The following SPAG16 variants were observed in gnomAD, a reference collection of about 807,000 sequenced individuals.
SPAG16 encodes the protein sperm associated antigen 16.
A neutral mutation model predicts 80.4 loss-of-function variants in SPAG16; 86 were observed. The observed-to-expected ratio is 1.07, with a 90% confidence interval of 0.90 to 1.28. The LOEUF is 1.28. SPAG16 is among the 50% of genes most tolerant of loss of function. The probability of loss-of-function intolerance (pLI) is 0.00; values close to 1 mark genes in which losing one functional copy is unlikely to be tolerated. For missense variants in SPAG16, 870 were observed against 765.3 expected (o/e 1.14, Z -1.61); for synonymous variants, 294 against 265.9 (o/e 1.11, Z -1.03).
rs142580539 is a variant in SPAG16, at chr2:213,879,561, T to C, written c.1214+16933T>C. Among the ~76,000 whole-genome samples the C allele has an allele frequency of 4.8e-3, 724 of 152,208 alleles. 7 individuals are homozygous for C. Among genetic ancestry groups the C allele is most frequent in the African/African-American group, 0.017 (696 of 41,544 alleles). On this transcript the variant is annotated intron_variant, in intron 11 of 15. Coordinates refer to ENST00000331683, the MANE Select transcript of SPAG16 (RefSeq NM_024532.5). ...CATAGGGAGTACATGTGCAAGGTTA[T>C]TGCATGGGTTCATTGTAACTAGGTT...
intron 5 of SPAG16, among the ~76,000 whole-genome samples, chr2:213,327,702 A>G (rs534329966): frequency 6.6e-6 from 1 of 152,244 alleles, no homozygotes; most frequent in South Asian, 2.1e-4. Flanking sequence ...TTTTAAATTC[A>G]TTTTTTAAAA....
At chr2:213,799,855 A>G (rs924208564) in intron 10 of SPAG16, among the ~76,000 whole-genome samples, 3 of 152,072 alleles carry the variant, frequency 2.0e-5, no homozygotes, top group Non-Finnish European at 4.4e-5. Flanking sequence ...GGAAACATAT[A>G]ACTACTATAA....
At chr2:213,557,878 T>C (rs1470325014) in intron 10 of SPAG16, among the ~76,000 whole-genome samples, 2 of 152,250 alleles carry the variant, frequency 1.3e-5, no homozygotes, top group Non-Finnish European at 2.9e-5. Context: ...TATGTGATTA[T>C]ATATTTGCAG....
intron 14 of SPAG16, among the ~76,000 whole-genome samples, chr2:214,148,310 G>A (rs988156923): frequency 1.6e-4 from 25 of 152,226 alleles, no homozygotes; most frequent in South Asian, 6.2e-4. Context: ...AGCAGGAGGC[G>A]TGTAGACAGA....
In SPAG16 at chr2:213,284,494, A is replaced by T; in HGVS notation, c.11A>T (p.Gln4Leu). 1 of 1,570,962 alleles carries T rather than the reference A, an allele frequency of 6.4e-7. No homozygotes were observed. The highest frequency in any genetic ancestry group is 8.6e-7 in the Non-Finnish European group (1 of 1,158,442). ...CCCGAAGCGCCAGAGATGGCTGCTC[A>T]GCGAGGGATGCCCAGCTCCGCCGTG... MAA[Q>L]RGMPSSAVRV... The change falls in exon 1 of 16, where the codon CAG becomes CTG. Residue 4 changes from glutamine (Q) to leucine (L), a missense_variant. Gln to Leu is a moderately radical substitution (Grantham distance 113, BLOSUM62 -2). Transcript: ENST00000331683.
At chr2:213,829,318 T>C (rs995272184) in intron 10 of SPAG16, among the ~76,000 whole-genome samples, 2 of 152,038 alleles carry the variant, frequency 1.3e-5, no homozygotes, top group Non-Finnish European at 2.9e-5. Context: ...GCATTGCCAA[T>C]GTGCACATAA....
intron 15 of SPAG16, among the ~76,000 whole-genome samples, chr2:214,155,204 GAAA>G (rs2056160214): frequency 6.6e-6 from 1 of 152,116 alleles, no homozygotes; most frequent in Non-Finnish European, 1.5e-5. Context: ...GTGAATACAT[GAAA>G]GCCTGAGGCC....
chr2:213,442,716 TAAAAAAA>T (rs2071046650), intron 9 of SPAG16, among the ~76,000 whole-genome samples: 1 of 152,068 alleles, frequency 6.6e-6, no homozygotes, highest in African/African-American at 2.4e-5. Context: ...TGGACACTCG[TAAAAAAA>T]TAAATCTAGA....
At chr2:214,404,510 C>T (rs943603265) in intron 15 of SPAG16, among the ~76,000 whole-genome samples, 3 of 151,814 alleles carry the variant, frequency 2.0e-5, no homozygotes, top group Non-Finnish European at 4.4e-5. Context: ...GAAGAAATGC[C>T]TCAGGAATTA....
chr2:213,577,641 G>C (rs927048335), intron 10 of SPAG16, among the ~76,000 whole-genome samples: 1 of 152,068 alleles, frequency 6.6e-6, no homozygotes, highest in African/African-American at 2.4e-5. Context: ...TTATGTTTTT[G>C]CTCCTTTATG....
chr2:214,067,082 G>A (rs182789822), intron 13 of SPAG16, among the ~76,000 whole-genome samples: 4 of 152,220 alleles, frequency 2.6e-5, no homozygotes, highest in Admixed American at 2.0e-4. Flanking sequence ...CAATTCCCAC[G>A]CTTTCCAGGT....
chr2:214,299,243 CTTTTTTTTT>C (rs33961996), intron 15 of SPAG16, among the ~76,000 whole-genome samples: 1 of 57,686 alleles, frequency 1.7e-5, no homozygotes, highest in African/African-American at 7.4e-5. Context: ...GTGTAGTATA[CTTTTTTTTT>C]TTTTTTTTTT....
chr2:214,037,921 GTCTT>G (rs2048797467), intron 13 of SPAG16, among the ~76,000 whole-genome samples: 1 of 138,656 alleles, frequency 7.2e-6, no homozygotes, highest in African/African-American at 2.6e-5. Context: ...GTGTATCCAA[GTCTT>G]TCTATTTAGC....
chr2:214,393,693 C>T (rs1250891383), intron 15 of SPAG16, among the ~76,000 whole-genome samples: 1 of 151,856 alleles, frequency 6.6e-6, no homozygotes, highest in Non-Finnish European at 1.5e-5. Flanking sequence ...ATTTTAGACC[C>T]CCAATGCTTT....
intron 9 of SPAG16, among the ~76,000 whole-genome samples, chr2:213,391,246 C>T (rs971900023): frequency 3.3e-5 from 5 of 151,940 alleles, no homozygotes; most frequent in Non-Finnish European, 5.9e-5. Flanking sequence ...CCAACCTGGG[C>T]GATGGAGCGA....
At chr2:214,324,887 C>T (rs1696362801) in intron 15 of SPAG16, among the ~76,000 whole-genome samples, 1 of 152,120 alleles carries the variant, frequency 6.6e-6, no homozygotes. Context: ...TACACACAGG[C>T]ATGCTCAAAG....
At chr2:213,733,455 C>T (rs960466365) in intron 10 of SPAG16, among the ~76,000 whole-genome samples, 15 of 149,482 alleles carry the variant, frequency 1.0e-4, no homozygotes, top group Non-Finnish European at 1.9e-4. Context: ...GAGTGTATTT[C>T]ACAATGATTA....
rs138058622 is a variant in SPAG16 at position 213,314,139 on chromosome 2, A to G, written c.399-3080A>G. Among the ~76,000 whole-genome samples, 3 of 152,024 alleles carry G rather than the reference A, an allele frequency of 2.0e-5. No homozygotes were observed. The East Asian group carries it at 5.8e-4, about 29-fold the overall frequency. ...GTGGACAAAATTTTATGAAATTTCTATGCACTTTCTCCCTGAAATTCATAT... is the reference window on the plus strand; with the variant it reads ...GTGGACAAAATTTTATGAAATTTCTGTGCACTTTCTCCCTGAAATTCATAT... On this transcript the variant is annotated intron_variant, in intron 4 of 15. Transcript: ENST00000331683.
intron 9 of SPAG16, among the ~76,000 whole-genome samples, chr2:213,449,572 T>C (rs62192329): frequency 2.3e-4 from 35 of 152,328 alleles, no homozygotes; most frequent in Non-Finnish European, 4.3e-4. Context: ...ACTGTCTCTC[T>C]TTATTTCTCA....
Sources: gnomAD v4.1 joint callset for allele counts (sites outside exome capture counted in the v4.1 genomes callset) on GRCh38, gnomAD v4.1.1 for gene constraint, MANE v1.5 for transcripts, NCBI Gene and HGNC (gene_info 2026-07-23, HGNC 2026-07-21) for gene names.